Variants in COMMD2 observed in about 807,000 individuals in gnomAD.
The protein encoded by COMMD2 is COMM domain containing 2, also known as COMM domain-containing protein 2.
In COMMD2, 25 loss-of-function variants were observed where a neutral mutation model predicts 22.5. The ratio of observed to expected loss-of-function variants is 1.11; its 90% confidence interval spans 0.81 to 1.55. The LOEUF (loss-of-function observed/expected upper bound fraction) is 1.55. Among genes scored for constraint, COMMD2 ranks in the 40% most tolerant of loss-of-function variants. The pLI is 0.00. For missense variants in COMMD2, 223 were observed against 232.9 expected, an observed-to-expected ratio of 0.96 and a Z score of 0.28; for synonymous variants, 98 against 91.2, an observed-to-expected ratio of 1.07 and a Z score of -0.42.
At position 149,742,976 on chromosome 3, in the gene COMMD2, A is replaced by AAAAAG. The variant is rs1553739519; in HGVS notation, c.403-1259_403-1258insCTTTT. Among the ~76,000 whole-genome samples the AAAAAG allele has an allele frequency of 2.4e-4, 34 of 139,648 alleles. 1 individual carries two copies. Among genetic ancestry groups the AAAAAG allele is most frequent in the Admixed American group, 8.9e-4 (13 of 14,616 alleles). 91.6% of individuals were successfully genotyped at this position (139,648 alleles called of 152,430 possible). ...GTGAGACTCTATCTCAAAAAAAAAA[A>AAAAAG]AAAAAGAAAAAGAAAAAGAAAAAGA... On this transcript the variant is annotated intron_variant, in intron 4 of 4. Transcript: ENST00000473414.
At chr3:149,749,986 A>C (rs1716486796) in intron 4 of COMMD2, among the ~76,000 whole-genome samples, 2 of 152,188 alleles carry the variant, frequency 1.3e-5, no homozygotes, top group South Asian at 4.1e-4. Flanking sequence ...TTTGTGTCTC[A>C]AAGCATTTAG....
chr3:149,741,666 A>T lies in COMMD2; in HGVS notation c.455T>A (p.Leu152Gln), dbSNP rs1258991684. ...QQIKPAVTIKLHLNQNGDHNT... is the reference protein window; with the variant it reads ...QQIKPAVTIKQHLNQNGDHNT... ...GTGATCTCCATTTTGATTAAGGTGT[A>T]GCTTTATAGTCACTGCTGGTTTAAT... is the stretch of plus-strand genomic sequence containing the variant. The change falls in exon 5 of 5, where the codon CTA (leucine) becomes CAA (glutamine). Residue 152 changes from leucine (L) to glutamine (Q), a missense_variant. Physicochemically the swap from Leu to Gln is moderately radical, Grantham distance 113. Transcript: ENST00000473414. 1.2e-6 allele frequency: 2 copies of T among 1,614,046 alleles called. No individual in the cohort carries two copies. The highest frequency in any genetic ancestry group is 1.7e-5 in the Admixed American group (1 of 60,014).
chr3:149,750,674 A>G lies in COMMD2; in HGVS notation c.402+4T>C. ...ATGTTAAGTTAATTTTAAAAATGCT[A>G]TACCTGTACATCTAGTCGCCATTCA... is the stretch of plus-strand genomic sequence containing the variant. On this transcript the variant is annotated splice_donor_region_variant and intron_variant, in intron 4 of 4. Transcript: ENST00000473414. The G allele has an allele frequency of 1.3e-6, 2 of 1,550,172 alleles. No homozygotes were observed. Among genetic ancestry groups the G allele is most frequent in the Non-Finnish European group, 1.7e-6 (2 of 1,145,836 alleles).
intron 3 of COMMD2, 74 bp from the exon 4 acceptor site, chr3:149,750,925 AT>A: frequency 1.0e-6 from 1 of 952,606 alleles, no homozygotes. Flanking sequence ...ACACAAAAGA[AT>A]ATGATATCCT....
At position 149,752,483 on chromosome 3, in the gene COMMD2, C is replaced by A; in HGVS notation, c.-39G>T. 2 of 1,578,196 alleles carry A rather than the reference C, an allele frequency of 1.3e-6. No individual in the cohort carries two copies. Among genetic ancestry groups the A allele is most frequent in the Admixed American group, 1.8e-5 (1 of 55,732 alleles). ...CGATTTCACCCGGCAGCGCCGACCC[C>A]GCCTTCGCCACTTCCGGCGCCCGTG... On this transcript the variant is annotated 5_prime_UTR_variant, in exon 1 of 5. Coordinates refer to ENST00000473414, the MANE Select transcript of COMMD2 (RefSeq NM_016094.4).
rs200273536 is a variant in COMMD2, at chr3:149,750,812, C to G, written c.268G>C (p.Gly90Arg). The G allele has an allele frequency of 1.3e-6, 2 of 1,594,052 alleles. No individual in the cohort carries two copies. Among genetic ancestry groups the G allele is most frequent in the South Asian group, 2.3e-5 (2 of 87,688 alleles). The change falls in exon 4 of 5, where the codon GGA becomes CGA. Residue 90 changes from glycine to arginine, a missense_variant. Gly to Arg is a moderately radical substitution (Grantham distance 125). Transcript: ENST00000473414. ...LDFQDSVFVL[G>R]FSEELNKLLL... ...AATTTGTTTAATTCTTCAGAGAATC[C>G]CAGAACAAAAACAGAGTCTTGGAAA...
At chr3:149,743,406 T>C (rs1202453688) in intron 4 of COMMD2, among the ~76,000 whole-genome samples, 2 of 152,132 alleles carry the variant, frequency 1.3e-5, no homozygotes, top group Non-Finnish European at 2.9e-5. Context: ...TTATCAAAAA[T>C]AGTGGAGTCA....
chr3:149,746,187 A>C (rs536287694), intron 4 of COMMD2, among the ~76,000 whole-genome samples: 1 of 152,288 alleles, frequency 6.6e-6, no homozygotes, highest in South Asian at 2.1e-4. Context: ...ATTTTTCAAA[A>C]ATTGCTAAAA....
chr3:149,746,607 TA>T (rs1716377037), intron 4 of COMMD2, among the ~76,000 whole-genome samples: 1 of 94,090 alleles, frequency 1.1e-5, no homozygotes, highest in African/African-American at 4.2e-5. Flanking sequence ...CTGTCTCTAC[TA>T]AAAATACAAA....
In COMMD2 at chr3:149,752,289, T is replaced by C; in HGVS notation, c.68-2A>G. Reference sequence around the variant, plus strand: ...CAATCCGCCCAAACTCGGCGACCACTGCAATGAAAGTCAGAAGGCTGTTGA... The same window carrying C: ...CAATCCGCCCAAACTCGGCGACCACCGCAATGAAAGTCAGAAGGCTGTTGA... On this transcript the variant is annotated splice_acceptor_variant, in intron 1 of 4. Transcript: ENST00000473414. LOFTEE classifies it high-confidence loss of function. 6.2e-7 allele frequency: 1 copy of C among 1,613,986 alleles called. No individual in the cohort carries two copies. The highest frequency in any genetic ancestry group is 1.7e-5 in the Admixed American group (1 of 60,020).
Position 149,741,398 on chromosome 3 carries a change from T to TTCCA in COMMD2, c.*122_*123insTGGA. ...TGATTATGACCTCAGTATCTTGGAATAGATACTGAGGAATACTATGTATTT... is the reference window on the plus strand; with the variant it reads ...TGATTATGACCTCAGTATCTTGGAATTCCAAGATACTGAGGAATACTATGTATTT... On this transcript the variant is annotated 3_prime_UTR_variant, in exon 5 of 5. Transcript: ENST00000473414. 2.1e-5 allele frequency: 17 copies of TTCCA among 791,144 alleles called. No homozygotes were observed. The highest frequency in any genetic ancestry group is 3.5e-5 in the Non-Finnish European group (17 of 489,990). 49.0% of individuals were successfully genotyped at this position (791,144 alleles called of 1,614,324 possible).
At chr3:149,743,103 G>C (rs1446906003) in intron 4 of COMMD2, among the ~76,000 whole-genome samples, 2 of 152,146 alleles carry the variant, frequency 1.3e-5, no homozygotes, top group Non-Finnish European at 2.9e-5. Context: ...TATTTGTTAA[G>C]CTTGGTGGTG....
At position 149,752,391 on chromosome 3, in the gene COMMD2, T is replaced by C. The variant is rs754408116; in HGVS notation, c.54A>G (p.Gln18=). 6.2e-7 allele frequency: 1 copy of C among 1,614,134 alleles called. No individual in the cohort carries two copies. The highest frequency in any genetic ancestry group is 1.1e-5 in the South Asian group (1 of 91,086). The part of the protein sequence containing the change: ...EHKEHLAFLP[Q]VDSAVVAEFG... ...ACGCCCGCTGACCCGCGCTGTCCAC[T>C]TGAGGCAGGAAGGCCAGGTGTTCCT... The change falls in exon 1 of 5, where the codon CAA becomes CAG. Residue 18 remains glutamine (Q), a synonymous_variant. Transcript: ENST00000473414.
In COMMD2 at chr3:149,739,607, G is replaced by C. The variant is rs1716155299; in HGVS notation, c.*1914C>G. 1 of 152,164 alleles carries C rather than the reference G, an allele frequency of 6.6e-6. No homozygotes were observed. Among genetic ancestry groups the C allele is most frequent in the Non-Finnish European group, 1.5e-5 (1 of 68,032 alleles). 9.4% of individuals were successfully genotyped at this position (152,164 alleles called of 1,614,324 possible). ...AAGGGCTATTGTTTCATCTTGGCTG[G>C]GATCAGCCATGTTTACCTTCCATCG... is the stretch of plus-strand genomic sequence containing the variant. On this transcript the variant is annotated 3_prime_UTR_variant, in exon 5 of 5. Transcript: ENST00000473414.
chr3:149,748,583 G>C (rs1716441047), intron 4 of COMMD2, among the ~76,000 whole-genome samples: 1 of 152,206 alleles, frequency 6.6e-6, no homozygotes, highest in Admixed American at 6.5e-5. Flanking sequence ...CTCCCAAAGG[G>C]AGACATCATT....
chr3:149,741,429 C>T lies in COMMD2; in HGVS notation c.*92G>A. ...CTGAGGAATACTATGTATTTATCATCATGAATTAATAAAAAATTAATTTTG... is the reference window on the plus strand; with the variant it reads ...CTGAGGAATACTATGTATTTATCATTATGAATTAATAAAAAATTAATTTTG... On this transcript the variant is annotated 3_prime_UTR_variant, in exon 5 of 5. Coordinates refer to ENST00000473414, the MANE Select transcript of COMMD2 (RefSeq NM_016094.4). 1.0e-6 allele frequency: 1 copy of T among 986,920 alleles called. No homozygotes were observed. Among genetic ancestry groups the T allele is most frequent in the Non-Finnish European group, 1.6e-6 (1 of 637,078 alleles). The allele number at this position is 986,920 out of a possible 1,614,324, so 61.1% of individuals were successfully genotyped here.
intron 2 of COMMD2, 89 bp from the exon 3 acceptor site, chr3:149,751,574 T>A (rs1382504177): frequency 8.6e-7 from 1 of 1,164,422 alleles, no homozygotes; most frequent in Admixed American, 2.6e-5. Flanking sequence ...ACACTATTCA[T>A]TATTACATGT....
At chr3:149,750,278 C>A in intron 4 of COMMD2, 1 of 264,134 alleles carries the variant, frequency 3.8e-6, no homozygotes, top group South Asian at 3.5e-5. Flanking sequence ...AGTGAAGGGG[C>A]AGTAATTAGG....
chr3:149,745,687 T>C (rs758755272), intron 4 of COMMD2, among the ~76,000 whole-genome samples: 4 of 152,204 alleles, frequency 2.6e-5, no homozygotes, highest in Non-Finnish European at 4.4e-5. Flanking sequence ...TAAGAAATTA[T>C]CTTTTTTATT....
Sources: gnomAD v4.1 joint callset for allele counts (sites outside exome capture counted in the v4.1 genomes callset) on GRCh38, gnomAD v4.1.1 for gene constraint, MANE v1.5 for transcripts, NCBI Gene and HGNC (gene_info 2026-07-23, HGNC 2026-07-21) for gene names.